The following DIS3L2 variants were observed in gnomAD, a reference collection of about 807,000 sequenced individuals.
DIS3L2 encodes the protein DIS3-like exonuclease 2.
DIS3L2 carries 34 observed loss-of-function variants against 97.5 expected under a neutral mutation model. That is an observed-to-expected ratio of 0.35 (90% confidence interval 0.27 to 0.46). The LOEUF (loss-of-function observed/expected upper bound fraction) is 0.46, where lower values mean the gene tolerates loss of function less well. Ranked by LOEUF, DIS3L2 falls within the 20% of genes least tolerant of loss-of-function variation. The probability of loss-of-function intolerance (pLI) is 1.00; values close to 1 mark genes in which losing one functional copy is unlikely to be tolerated. For synonymous variants in DIS3L2, 435 were observed against 445.2 expected, an observed-to-expected ratio of 0.98 and a Z score of 0.29; for missense variants, 1,038 against 1,146.0, an observed-to-expected ratio of 0.91 and a Z score of 1.36.
intron 13 of DIS3L2, among the ~76,000 whole-genome samples, chr2:232,285,330 A>G (rs903749503): frequency 6.6e-6 from 1 of 152,180 alleles, no homozygotes; most frequent in Non-Finnish European, 1.5e-5. Flanking sequence ...TAGCACCTGC[A>G]GGCTCCAAGC....
At chr2:232,008,647 A>C (rs940418756) in intron 1 of DIS3L2, among the ~76,000 whole-genome samples, 4 of 152,128 alleles carry the variant, frequency 2.6e-5, no homozygotes, top group Non-Finnish European at 4.4e-5. Flanking sequence ...AGACAGAGGG[A>C]GTGGGTTATG....
At chr2:232,155,349 C>G (rs1308996130) in intron 8 of DIS3L2, among the ~76,000 whole-genome samples, 1 of 152,174 alleles carries the variant, frequency 6.6e-6, no homozygotes, top group Admixed American at 6.5e-5. Context: ...TCCCACCACT[C>G]CATTCATGGA....
chr2:232,110,806 A>G (rs1697504953), intron 6 of DIS3L2, among the ~76,000 whole-genome samples: 1 of 152,146 alleles, frequency 6.6e-6, no homozygotes, highest in African/African-American at 2.4e-5. Flanking sequence ...CATGGTCACC[A>G]TGTGACCAAA....
At chr2:232,270,883 TCTC>T (rs1559185202) in intron 13 of DIS3L2, among the ~76,000 whole-genome samples, 87 of 147,378 alleles carry the variant, frequency 5.9e-4, no homozygotes, top group East Asian at 2.0e-3. Flanking sequence ...TCTCTCTCTC[TCTC>T]TCTCTCTCTC....
chr2:232,082,178 C>T (rs1696424244), intron 5 of DIS3L2, among the ~76,000 whole-genome samples: 1 of 152,108 alleles, frequency 6.6e-6, no homozygotes. Flanking sequence ...TGATCTTTTC[C>T]CCCCATACCT....
intron 6 of DIS3L2, among the ~76,000 whole-genome samples, chr2:232,111,904 G>A (rs1697548235): frequency 1.3e-5 from 2 of 152,192 alleles, no homozygotes; most frequent in African/African-American, 4.8e-5. Context: ...GCAAATATGT[G>A]CTCCTACATT....
chr2:232,258,833 T>G lies in DIS3L2; in HGVS notation c.1426-4374T>G, dbSNP rs1165666123. 3.3e-5 allele frequency among the ~76,000 whole-genome samples: 5 copies of G among 152,216 alleles called. No homozygotes were observed. In the East Asian group the frequency reaches 9.6e-4, roughly 29 times the overall value. The stretch of plus-strand genomic sequence containing the variant: ...CTGCCTTACATACTGTGAGGTTGGC[T>G]ATTCCGAGGACCCCCTCCATTTGGA... On this transcript the variant is annotated intron_variant, in intron 12 of 20. Coordinates refer to ENST00000325385, the MANE Select transcript of DIS3L2 (RefSeq NM_152383.5).
intron 1 of DIS3L2, among the ~76,000 whole-genome samples, chr2:231,971,779 A>G (rs1692921087): frequency 6.8e-6 from 1 of 146,164 alleles, no homozygotes; most frequent in Admixed American, 6.8e-5. Context: ...ACGGGGTTTC[A>G]CCGTGTTGGC....
At chr2:231,982,027 T>G (rs1405321695) in intron 1 of DIS3L2, among the ~76,000 whole-genome samples, 1 of 106,154 alleles carries the variant, frequency 9.4e-6, no homozygotes, top group Non-Finnish European at 1.8e-5. Context: ...AGTGAGGCTC[T>G]CTCTCAAAAA....
chr2:232,184,223 G>A (rs1319391778), intron 9 of DIS3L2, among the ~76,000 whole-genome samples: 1 of 152,130 alleles, frequency 6.6e-6, no homozygotes, highest in Non-Finnish European at 1.5e-5. Flanking sequence ...TCTACTTTGC[G>A]AGTCCCACTG....
intron 14 of DIS3L2, 28 bp from the exon 15 acceptor site, chr2:232,329,785 T>TACCGGGGGGGGCC: frequency 1.0e-6 from 1 of 967,144 alleles, no homozygotes; most frequent in Non-Finnish European, 1.5e-6. Flanking sequence ...ACCCCAGCGG[T>TACCGGGGGGGGCC]CCCTCCCATC....
At chr2:232,217,287 G>T (rs1574951811) in intron 10 of DIS3L2, among the ~76,000 whole-genome samples, 1 of 152,184 alleles carries the variant, frequency 6.6e-6, no homozygotes, top group South Asian at 2.1e-4. Context: ...GAAGGAGATA[G>T]TCTGAGTGGG....
At chr2:231,998,267 A>G (rs1693782795) in intron 1 of DIS3L2, among the ~76,000 whole-genome samples, 1 of 152,214 alleles carries the variant, frequency 6.6e-6, no homozygotes, top group Non-Finnish European at 1.5e-5. Context: ...TGTGGTGGGA[A>G]GGCATAAGGG....
chr2:232,155,058 G>C (rs201904149), intron 8 of DIS3L2, among the ~76,000 whole-genome samples: 437 of 140,938 alleles, frequency 3.1e-3, no homozygotes, highest in East Asian at 4.7e-3. Flanking sequence ...GCCCTGCTTC[G>C]GCTCGCGCAC....
Position 232,242,441 on chromosome 2 carries a change from C to T in DIS3L2, c.1317+3796C>T, listed in dbSNP as rs117069075. On this transcript the variant is annotated intron_variant, in intron 11 of 20. Transcript: ENST00000325385. ...ACCTCTCCAGGTAGTGGAGAAGCCC[C>T]TATGACTTGGCTTGTGGGCATCTGG... 1.8e-4 allele frequency among the ~76,000 whole-genome samples: 28 copies of T among 152,258 alleles called. 2 individuals are homozygous for T. The East Asian group carries it at 5.2e-3, about 28-fold the overall frequency.
chr2:232,336,122 A>T, intron 20 of DIS3L2: 3 of 1,537,930 alleles, frequency 2.0e-6, no homozygotes, highest in Non-Finnish European at 1.8e-6. Context: ...CCGCTAATGC[A>T]GGGGTGCTGG....
At chr2:231,965,722 C>A (rs766433907) in intron 1 of DIS3L2, among the ~76,000 whole-genome samples, 2 of 152,202 alleles carry the variant, frequency 1.3e-5, no homozygotes, top group African/African-American at 4.8e-5. Flanking sequence ...CAAATAATCA[C>A]ACAAATGCAA....
chr2:232,249,473 C>A, intron 12 of DIS3L2, 127 bp downstream of exon 12: 1 of 1,009,974 alleles, frequency 9.9e-7, no homozygotes. Flanking sequence ...ATGGAGTAGC[C>A]ATCATAGAGA....
chr2:232,271,792 A>G (rs1694013455), intron 13 of DIS3L2, among the ~76,000 whole-genome samples: 1 of 152,124 alleles, frequency 6.6e-6, no homozygotes, highest in East Asian at 1.9e-4. Flanking sequence ...TTTGGGGAGA[A>G]CCTGGGAGCG....
Sources: gnomAD v4.1 joint callset for allele counts (sites outside exome capture counted in the v4.1 genomes callset) on GRCh38, gnomAD v4.1.1 for gene constraint, MANE v1.5 for transcripts, NCBI Gene and HGNC (gene_info 2026-07-23, HGNC 2026-07-21) for gene names.